PXDNL: variants seen among roughly 807,000 people sequenced by gnomAD.
PXDNL encodes the protein peroxidasin like, also known as probable oxidoreductase PXDNL.
In PXDNL, 145 loss-of-function variants were observed where a neutral mutation model predicts 150.8. That is an observed-to-expected ratio of 0.96 (90% confidence interval 0.84 to 1.10). The LOEUF (loss-of-function observed/expected upper bound fraction) is 1.10, where lower values mean the gene tolerates loss of function less well. Ranked by LOEUF, PXDNL falls within the 50% of genes least tolerant of loss-of-function variation. The pLI is 0.00. For synonymous variants in PXDNL, 757 were observed against 725.7 expected (o/e 1.04, Z -0.69); for missense variants, 2,087 against 1,873.9 (o/e 1.11, Z -2.10).
intron 21 of PXDNL, 144 bp downstream of exon 21, chr8:51,339,479 CA>C (rs982927852): frequency 1.1e-3 from 870 of 785,336 alleles, no homozygotes; most frequent in South Asian, 1.8e-3. Context: ...AAAGTAAAAA[CA>C]AAAAAAAAGC....
chr8:51,700,889 C>T (rs991293733), intron 1 of PXDNL, among the ~76,000 whole-genome samples: 2 of 151,606 alleles, frequency 1.3e-5, no homozygotes, highest in Non-Finnish European at 2.9e-5. Flanking sequence ...CATATACATA[C>T]ACAATATACT....
At chr8:51,376,494 AT>A (rs368462649) in intron 17 of PXDNL, among the ~76,000 whole-genome samples, 1 of 151,654 alleles carries the variant, frequency 6.6e-6, no homozygotes, top group Admixed American at 6.6e-5. Flanking sequence ...TTTCTGAGAG[AT>A]TTTTCCTCTG....
chr8:51,708,857 G>A (rs960100312), intron 1 of PXDNL, among the ~76,000 whole-genome samples: 7 of 151,848 alleles, frequency 4.6e-5, no homozygotes, highest in African/African-American at 1.7e-4. Context: ...GAAATTCGGA[G>A]AGAAGTCAAA....
At chr8:51,646,430 T>C (rs1814920569) in intron 2 of PXDNL, among the ~76,000 whole-genome samples, 1 of 152,108 alleles carries the variant, frequency 6.6e-6, no homozygotes, top group Non-Finnish European at 1.5e-5. Context: ...ATACAAGTGA[T>C]AACACAAAGT....
At chr8:51,534,034 A>G (rs1375316798) in intron 4 of PXDNL, among the ~76,000 whole-genome samples, 1 of 139,766 alleles carries the variant, frequency 7.2e-6, no homozygotes, top group Non-Finnish European at 1.5e-5. Context: ...CCATCTAGGA[A>G]GCGAGGAGCG....
intron 4 of PXDNL, among the ~76,000 whole-genome samples, chr8:51,503,367 G>A (rs552498111): frequency 1.3e-5 from 2 of 150,618 alleles, no homozygotes; most frequent in East Asian, 2.0e-4. Flanking sequence ...GTGTCCATAT[G>A]ATTTGACAAA....
Position 51,320,772 on chromosome 8 carries a change from C to T in PXDNL, c.4260+12G>A, listed in dbSNP as rs1805291919. 2 of 1,602,868 alleles carry T rather than the reference C, an allele frequency of 1.2e-6. No individual in the cohort carries two copies. The highest frequency in any genetic ancestry group is 2.7e-5 in the African/African-American group (2 of 74,320). On this transcript the variant is annotated intron_variant, in intron 22 of 22. Transcript: ENST00000356297. ...AAATGGGGAGTTGGACTGGAAAACTCGCAGCACAAACCTCACAAATGCAGT... is the reference window on the plus strand; with the variant it reads ...AAATGGGGAGTTGGACTGGAAAACTTGCAGCACAAACCTCACAAATGCAGT...
intron 2 of PXDNL, among the ~76,000 whole-genome samples, chr8:51,602,825 T>C (rs768987777): frequency 6.6e-6 from 1 of 151,704 alleles, no homozygotes; most frequent in Non-Finnish European, 1.5e-5. Context: ...GCTTTCTTTA[T>C]TGTTTTTATT....
chr8:51,380,540 CCTTTT>C (rs1435855728), intron 17 of PXDNL, among the ~76,000 whole-genome samples: 3 of 152,198 alleles, frequency 2.0e-5, no homozygotes, highest in African/African-American at 4.8e-5. Flanking sequence ...GACTTCTTTA[CCTTTT>C]CTTCTCTTTG....
At chr8:51,796,109 C>A (rs2037557338) in intron 1 of PXDNL, among the ~76,000 whole-genome samples, 1 of 152,122 alleles carries the variant, frequency 6.6e-6, no homozygotes, top group Admixed American at 6.5e-5. Context: ...AGGTTTGTGG[C>A]TATTACTATA....
chr8:51,598,301 G>C, intron 2 of PXDNL, among the ~76,000 whole-genome samples: 1 of 152,016 alleles, frequency 6.6e-6, no homozygotes, highest in East Asian at 1.9e-4. Flanking sequence ...TGGCTTCCTT[G>C]TCTTATTCCA....
intron 20 of PXDNL, among the ~76,000 whole-genome samples, chr8:51,341,088 C>T (rs1263899870): frequency 6.6e-6 from 1 of 152,182 alleles, no homozygotes; most frequent in Non-Finnish European, 1.5e-5. Flanking sequence ...GGGTATGGGC[C>T]ATGCATCAGG....
chr8:51,381,978 A>C (rs1391315376), intron 17 of PXDNL, among the ~76,000 whole-genome samples: 2 of 152,132 alleles, frequency 1.3e-5, no homozygotes, highest in African/African-American at 2.4e-5. Flanking sequence ...TTTAGGGTAC[A>C]TGTGCAAGAA....
At chr8:51,654,023 G>A (rs908379574) in intron 2 of PXDNL, among the ~76,000 whole-genome samples, 2 of 152,120 alleles carry the variant, frequency 1.3e-5, no homozygotes, top group Non-Finnish European at 2.9e-5. Flanking sequence ...TTGGGTGTTG[G>A]CTACCTGACT....
At chr8:51,390,635 T>C (rs994225302) in intron 17 of PXDNL, among the ~76,000 whole-genome samples, 9 of 152,162 alleles carry the variant, frequency 5.9e-5, no homozygotes, top group Admixed American at 1.3e-4. Flanking sequence ...CTTTCCTCAT[T>C]TCTAGCCAAG....
rs754535944 is a variant in PXDNL, at chr8:51,581,663, A to C, written c.308+10964T>G. ...TGAAACACCTGTGTTCATCAGGGAT[A>C]CTGGCTTGCAATTTTCTTTTCTTGT... On this transcript the variant is annotated intron_variant, in intron 3 of 22. Transcript: ENST00000356297. Among the ~76,000 whole-genome samples the C allele has an allele frequency of 1.8e-4, 27 of 152,292 alleles. No individual in the cohort carries two copies. The South Asian group carries it at 2.3e-3, about 13-fold the overall frequency.
At chr8:51,457,046 G>A (rs1809951952) in intron 9 of PXDNL, among the ~76,000 whole-genome samples, 1 of 152,174 alleles carries the variant, frequency 6.6e-6, no homozygotes, top group Admixed American at 6.5e-5. Flanking sequence ...ATAAGCCACT[G>A]AAATTATGAC....
Position 51,534,037 on chromosome 8 carries a change from G to A in PXDNL, c.380+22803C>T, listed in dbSNP as rs1169904911. ...CCGGCCGCCATCCCATCTAGGAAGC[G>A]AGGAGCGCCTCTTCCCCGCCGCCAT... On this transcript the variant is annotated intron_variant, in intron 4 of 22. Transcript: ENST00000356297. Among the ~76,000 whole-genome samples, 46 of 145,976 alleles carry A rather than the reference G, an allele frequency of 3.2e-4. 1 individual carries two copies. The highest frequency in any genetic ancestry group is 5.6e-4 in the Non-Finnish European group (38 of 67,798).
intron 2 of PXDNL, among the ~76,000 whole-genome samples, chr8:51,634,397 T>C (rs901722278): frequency 1.3e-5 from 2 of 152,204 alleles, no homozygotes; most frequent in Admixed American, 6.6e-5. Context: ...ATAATATAGT[T>C]TGAAGTTGGG....
Sources: gnomAD v4.1 joint callset for allele counts (sites outside exome capture counted in the v4.1 genomes callset) on GRCh38, gnomAD v4.1.1 for gene constraint, MANE v1.5 for transcripts, NCBI Gene and HGNC (gene_info 2026-07-23, HGNC 2026-07-21) for gene names.